The following TTYH1 variants were observed in gnomAD, a reference collection of about 807,000 sequenced individuals.
TTYH1 encodes tweety family member 1.
In TTYH1, 33 loss-of-function variants were observed where a neutral mutation model predicts 61.2. The ratio of observed to expected loss-of-function variants is 0.54; its 90% confidence interval spans 0.41 to 0.72. The LOEUF is 0.72. Among genes scored for constraint, TTYH1 ranks in the 30% least tolerant of loss-of-function variants. TTYH1 has a pLI of 0.00. For missense variants in TTYH1, 538 were observed against 575.8 expected (o/e 0.93, Z 0.67); for synonymous variants, 308 against 266.4 (o/e 1.16, Z -1.52).
At position 54,426,599 on chromosome 19, in the gene TTYH1, G is replaced by A. The variant is rs531567594; in HGVS notation, c.639-74G>A. The A allele has an allele frequency of 2.2e-5, 25 of 1,161,724 alleles. No homozygotes were observed. The South Asian group carries it at 3.1e-4, about 14-fold the overall frequency. The allele number at this position is 1,161,724 out of a possible 1,614,324, so 72.0% of individuals were successfully genotyped here. A position where few individuals can be genotyped will look rare whatever the true frequency, so the allele number is the denominator to read the frequency against. ...TGAGCTGGGGGGCAGGGTGAATGCT[G>A]GTGGAGGGTTGCTGTTCCGCCGGGG... On this transcript the variant is annotated intron_variant, in intron 4 of 13. Coordinates refer to ENST00000376530, the MANE Select transcript of TTYH1 (RefSeq NM_020659.4).
chr19:54,430,584 CG>C lies in TTYH1; in HGVS notation c.919del (p.Val307SerfsTer9). Reference protein sequence around the residue: ...LSYYLLCNRAVSNPFQQRLTL... With the variant: ...LSYYLLCNRAXSNPFQQRLTL... ...GCTATTATCTCCTCTGCAACCGGGCCGTCTCCAACCCCTTCCAACAGGTTAG... is the reference window on the plus strand; with the variant it reads ...GCTATTATCTCCTCTGCAACCGGGCCTCTCCAACCCCTTCCAACAGGTTAG... On this transcript the variant is annotated frameshift_variant, in exon 8 of 14. Coordinates refer to ENST00000376530, the MANE Select transcript of TTYH1 (RefSeq NM_020659.4). LOFTEE classifies it high-confidence loss of function. 6.2e-7 allele frequency: 1 copy of C among 1,613,886 alleles called. No individual in the cohort carries two copies. Among genetic ancestry groups the C allele is most frequent in the Non-Finnish European group, 8.5e-7 (1 of 1,179,954 alleles).
chr19:54,426,844 T>G, intron 5 of TTYH1, 76 bp downstream of exon 5: 2 of 1,335,090 alleles, frequency 1.5e-6, no homozygotes, highest in Non-Finnish European at 2.1e-6. Flanking sequence ...CTTACAACTC[T>G]CCTACACGGA....
Position 54,419,041 on chromosome 19 carries a change from C to A in TTYH1, c.127-87C>A, listed in dbSNP as rs960349641. On this transcript the variant is annotated intron_variant, in intron 1 of 13. Transcript: ENST00000376530. This position sits in a 1 kb window ranked among gnomAD's most constrained non-coding sequence, Gnocchi z 6.1. ...CCCACCTTCACTCTGACATCCCAGACCCCGACCCCCCAGCCACGCAGGAAG... is the reference window on the plus strand; with the variant it reads ...CCCACCTTCACTCTGACATCCCAGAACCCGACCCCCCAGCCACGCAGGAAG... 3 of 1,381,100 alleles carry A rather than the reference C, an allele frequency of 2.2e-6. No individual in the cohort carries two copies. Among genetic ancestry groups the A allele is most frequent in the African/African-American group, 1.4e-5 (1 of 69,602 alleles). The allele number at this position is 1,381,100 out of a possible 1,614,324, so 85.6% of individuals were successfully genotyped here. A position where few individuals can be genotyped will look rare whatever the true frequency, so the allele number is the denominator to read the frequency against.
At position 54,436,072 on chromosome 19, in the gene TTYH1, AC is replaced by A. The variant is rs2083545231; in HGVS notation, c.1315-15del. The A allele has an allele frequency of 6.2e-7, 1 of 1,612,946 alleles. No individual in the cohort carries two copies. Among genetic ancestry groups the A allele is most frequent in the Non-Finnish European group, 8.5e-7 (1 of 1,179,334 alleles). On this transcript the variant is annotated intron_variant, in intron 12 of 13. Coordinates refer to ENST00000376530, the MANE Select transcript of TTYH1 (RefSeq NM_020659.4). This position sits in a 1 kb window ranked among gnomAD's most constrained non-coding sequence, Gnocchi z 4.3. ...ACTCCATTCCCTCCTCTCCCCCGCT[AC>A]CCCGAATCTCCTAGCAGGAATCCAA...
chr19:54,418,025 C>CAT (rs573722674), intron 1 of TTYH1, among the ~76,000 whole-genome samples: 11,621 of 151,680 alleles, frequency 0.077, 658 homozygotes, highest in African/African-American at 0.14. Flanking sequence ...CACACACACA[C>CAT]ACTGTGCCAC....
rs1163729075 is a variant in TTYH1, at chr19:54,421,061, C to T, written c.306-216C>T. Among the ~76,000 whole-genome samples, 2 of 152,122 alleles carry T rather than the reference C, an allele frequency of 1.3e-5. No homozygotes were observed. The highest frequency in any genetic ancestry group is 2.4e-5 in the African/African-American group (1 of 41,438). On this transcript the variant is annotated intron_variant, in intron 2 of 13. Transcript: ENST00000376530. This position sits in a 1 kb window ranked among gnomAD's most constrained non-coding sequence, Gnocchi z 4.8. The stretch of plus-strand genomic sequence containing the variant: ...CCACCCACCATTAACATCACAATGA[C>T]GTCCCTCCGCTGGGGGAGTGAGGCC...
At position 54,431,204 on chromosome 19, in the gene TTYH1, C is replaced by G. The variant is rs770944378; in HGVS notation, c.1125+13C>G. On this transcript the variant is annotated intron_variant, in intron 10 of 13. Transcript: ENST00000376530. ...CAGCCTGCACAAGGTGAAGCCCCTC[C>G]CCTCCCAATTTCTTCTCCCACGGGG... 3 of 1,603,872 alleles carry G rather than the reference C, an allele frequency of 1.9e-6. No homozygotes were observed. Among genetic ancestry groups the G allele is most frequent in the Non-Finnish European group, 2.6e-6 (3 of 1,170,806 alleles).
intron 4 of TTYH1, among the ~76,000 whole-genome samples, chr19:54,423,203 T>C (rs2122886184): frequency 6.8e-6 from 1 of 147,302 alleles, no homozygotes; most frequent in Non-Finnish European, 1.5e-5. Context: ...GCACTATTTT[T>C]TTTTTTTTTT....
In TTYH1 at chr19:54,422,466, G is replaced by T. The variant is rs922871792; in HGVS notation, c.638+56G>T. 4.2e-6 allele frequency: 6 copies of T among 1,430,000 alleles called. No homozygotes were observed. The Admixed American group carries it at 1.0e-4, about 24-fold the overall frequency. The allele number at this position is 1,430,000 out of a possible 1,614,324, so 88.6% of individuals were successfully genotyped here. On this transcript the variant is annotated intron_variant, in intron 4 of 13. Transcript: ENST00000376530. ...CGGCAGCTCTCAGGCGGAGTCCCCG[G>T]GGGGACAGTTGGCAATGCCTGGAGG... is the stretch of plus-strand genomic sequence containing the variant.
Position 54,422,405 on chromosome 19 carries a change from G to A in TTYH1, c.633G>A (p.Glu211=). The change falls in exon 4 of 14, where the codon GAG becomes GAA. Residue 211 remains glutamate (E), a synonymous_variant. Transcript: ENST00000376530. The part of the protein sequence containing the change: ...QVAENVSFVE[E]YRWLAYVLLL... ...CTGAAAATGTGTCCTTTGTGGAGGA[G>A]TACAGGTGAGACGCTGCTCTTCTTG... 1.3e-6 allele frequency: 2 copies of A among 1,546,380 alleles called. No individual in the cohort carries two copies. The highest frequency in any genetic ancestry group is 1.8e-6 in the Non-Finnish European group (2 of 1,142,308).
intron 5 of TTYH1, among the ~76,000 whole-genome samples, chr19:54,428,079 G>GT (rs936820982): frequency 0.44 from 27,381 of 62,504 alleles, 9,572 homozygotes; most frequent in East Asian, 0.64. Context: ...TCCCGGCTAA[G>GT]TTTTTTTTTT....
Position 54,436,269 on chromosome 19 carries a change from G to C in TTYH1, c.*43-64G>C, listed in dbSNP as rs1027326319. 7 of 1,611,920 alleles carry C rather than the reference G, an allele frequency of 4.3e-6. No individual in the cohort carries two copies. Among genetic ancestry groups the C allele is most frequent in the Non-Finnish European group, 5.9e-6 (7 of 1,178,316 alleles). On this transcript the variant is annotated intron_variant, in intron 13 of 13. Transcript: ENST00000376530. This position sits in a 1 kb window ranked among gnomAD's most constrained non-coding sequence, Gnocchi z 4.3. ...GGCATGGGCTGCGTGCCTCCTGCTG[G>C]GTGGATCGCACCGGGCAGGCCCTCC... is the stretch of plus-strand genomic sequence containing the variant.
chr19:54,435,832 G>A lies in TTYH1; in HGVS notation c.1273G>A (p.Asp425Asn), dbSNP rs999371603. The A allele has an allele frequency of 2.5e-6, 4 of 1,613,524 alleles. No individual in the cohort carries two copies. The highest frequency in any genetic ancestry group is 1.7e-5 in the Admixed American group (1 of 60,022). The change falls in exon 12 of 14, where the codon GAC (aspartate) becomes AAC (asparagine). Residue 425 changes from aspartate to asparagine, a missense_variant. Around this residue, in one of 3 missense-constraint regions of TTYH1, gnomAD observed 378 missense variants for 401.2 expected, o/e 0.94. Coordinates refer to ENST00000376530, the MANE Select transcript of TTYH1 (RefSeq NM_020659.4). ...RAWALFPPSD[D>N]YDDTDDDDPF... ...ATGCCCCGCATCAAACCCCAGTGAC[G>A]ACTACGATGACACAGACGATGACGA...
intron 4 of TTYH1, among the ~76,000 whole-genome samples, chr19:54,422,875 G>A (rs2083246698): frequency 6.9e-6 from 1 of 144,886 alleles, no homozygotes; most frequent in Non-Finnish European, 1.5e-5. Flanking sequence ...GTTGCAGTGA[G>A]CCGAGATTTC....
At chr19:54,428,473 G>A (rs2083373547) in intron 5 of TTYH1, among the ~76,000 whole-genome samples, 1 of 152,100 alleles carries the variant, frequency 6.6e-6, no homozygotes, top group South Asian at 2.1e-4. Flanking sequence ...TGATCAGCCT[G>A]CCTCAGCCTT....
In TTYH1 at chr19:54,419,298, C is replaced by T. The variant is rs3745432; in HGVS notation, c.297C>T (p.Leu99=). ...CCTGGAGCTGCATTGTCGCCCTTCT[C>T]GCCGGCTGGTAATGGGGCCCCAGGG... The part of the protein sequence containing the change: ...CVTWSCIVAL[L]AGCTGIGIGF... The change falls in exon 2 of 14, where the codon CTC becomes CTT. Residue 99 remains leucine (L), a synonymous_variant. Coordinates refer to ENST00000376530, the MANE Select transcript of TTYH1 (RefSeq NM_020659.4). This position sits in a 1 kb window ranked among gnomAD's most constrained non-coding sequence, Gnocchi z 6.1. 7.4e-4 allele frequency: 1,188 copies of T among 1,598,542 alleles called. 14 individuals carry two copies. The East Asian group carries it at 0.021, about 28-fold the overall frequency.
In TTYH1 at chr19:54,436,059, C is replaced by T. The variant is rs764179051; in HGVS notation, c.1315-32C>T. 17 of 1,610,698 alleles carry T rather than the reference C, an allele frequency of 1.1e-5. No individual in the cohort carries two copies. The highest frequency in any genetic ancestry group is 3.3e-5 in the South Asian group (3 of 90,998). On this transcript the variant is annotated intron_variant, in intron 12 of 13. Transcript: ENST00000376530. The surrounding 1 kb of genome is among the most constrained non-coding windows in gnomAD (Gnocchi z 4.3). ...AAAGCCAATTCCCACTCCATTCCCT[C>T]CTCTCCCCCGCTACCCCGAATCTCC...
intron 4 of TTYH1, among the ~76,000 whole-genome samples, chr19:54,424,146 G>A (rs954296617): frequency 1.3e-4 from 20 of 151,688 alleles, no homozygotes; most frequent in African/African-American, 4.6e-4. Flanking sequence ...GGGTGACGGA[G>A]CGAGAATCCG....
chr19:54,429,255 G>T lies in TTYH1; in HGVS notation c.735-52G>T, dbSNP rs893929534. Reference sequence around the variant, plus strand: ...GATGGGATTTGGGGTGTGGAAAGAGGCTAGGCTAGGAGATTAAGAACCCCG... The same window carrying T: ...GATGGGATTTGGGGTGTGGAAAGAGTCTAGGCTAGGAGATTAAGAACCCCG... On this transcript the variant is annotated intron_variant, in intron 5 of 13. Transcript: ENST00000376530. This position sits in a 1 kb window ranked among gnomAD's most constrained non-coding sequence, Gnocchi z 5.1. 1.0e-5 allele frequency: 16 copies of T among 1,555,384 alleles called. No homozygotes were observed. The highest frequency in any genetic ancestry group is 3.4e-4 in the Middle Eastern group (2 of 5,954).
Sources: gnomAD v4.1 joint callset for allele counts (sites outside exome capture counted in the v4.1 genomes callset) on GRCh38, gnomAD v4.1.1 for gene constraint, gnomAD v4.1.1 regional missense constraint, Gnocchi (gnomAD v3.1) non-coding constraint, MANE v1.5 for transcripts, NCBI Gene and HGNC (gene_info 2026-07-23, HGNC 2026-07-21) for gene names.